Variants in ANKRD55 observed in about 807,000 individuals in gnomAD.
ANKRD55 encodes the protein ankyrin repeat domain-containing protein 55.
A neutral mutation model predicts 60.6 loss-of-function variants in ANKRD55; 41 were observed. That is an observed-to-expected ratio of 0.68 (90% CI 0.53 to 0.88). The LOEUF is 0.88. Ranked by LOEUF, ANKRD55 falls within the 40% of genes least tolerant of loss-of-function variation. The pLI is 0.00. For missense variants in ANKRD55, 732 were observed against 767.6 expected, an observed-to-expected ratio of 0.95 and a Z score of 0.55; for synonymous variants, 264 against 290.3, an observed-to-expected ratio of 0.91 and a Z score of 0.92.
chr5:56,231,686 CACACACACACAT>C (rs1350666115), intron 2 of ANKRD55, among the ~76,000 whole-genome samples: 14 of 110,888 alleles, frequency 1.3e-4, no homozygotes, highest in African/African-American at 2.5e-4. Context: ...CACACACACA[CACACACACACAT>C]ACACATACAC....
chr5:56,231,661 A>G (rs1229735671), intron 2 of ANKRD55, among the ~76,000 whole-genome samples: 85 of 9,240 alleles, frequency 9.2e-3, no homozygotes, highest in African/African-American at 0.034. Context: ...GCGCACACAC[A>G]CACACACACA....
chr5:56,172,294 G>A (rs1263356990), intron 4 of ANKRD55, among the ~76,000 whole-genome samples: 1 of 152,102 alleles, frequency 6.6e-6, no homozygotes, highest in Non-Finnish European at 1.5e-5. Context: ...TAATATCTAA[G>A]TCTTAAGTAG....
In ANKRD55 at chr5:56,143,931, T is replaced by G. The variant is rs1383647234; in HGVS notation, c.484-2A>C. The G allele has an allele frequency of 6.2e-7, 1 of 1,613,722 alleles. No individual in the cohort carries two copies. Among genetic ancestry groups the G allele is most frequent in the African/African-American group, 1.3e-5 (1 of 74,920 alleles). On this transcript the variant is annotated splice_acceptor_variant, in intron 6 of 11. Transcript: ENST00000341048. LOFTEE classifies it high-confidence loss of function. The stretch of plus-strand genomic sequence containing the variant: ...CGCCCAGTGGAGTGGTGTCATTCCC[T>G]GCAAAACAACAGTCAGAGAGGACAG...
In ANKRD55 at chr5:56,162,695, G is replaced by C. The variant is rs186552443; in HGVS notation, c.423-2802C>G. Among the ~76,000 whole-genome samples, 235 of 143,698 alleles carry C rather than the reference G, an allele frequency of 1.6e-3. 2 individuals carry two copies. The highest frequency in any genetic ancestry group is 5.8e-3 in the African/African-American group (222 of 38,412). 94.3% of individuals were successfully genotyped at this position (143,698 alleles called of 152,430 possible). ...TCAATTTTTTTTTTTTTTGAGACAA[G>C]CTCTCACTCTGTCACCCAGGCTGGA... On this transcript the variant is annotated intron_variant, in intron 5 of 11. Transcript: ENST00000341048.
intron 2 of ANKRD55, chr5:56,193,556 C>A: frequency 2.7e-6 from 1 of 376,808 alleles, no homozygotes; most frequent in Non-Finnish European, 5.0e-6. Context: ...AGATATCAAG[C>A]TACCTTACCT....
chr5:56,137,013 C>A (rs1033807850), intron 7 of ANKRD55: 5 of 704,354 alleles, frequency 7.1e-6, no homozygotes, highest in African/African-American at 1.7e-5. Flanking sequence ...GAGAGCCCCA[C>A]AAAATCATGC....
At chr5:56,165,439 T>C (rs533314064) in intron 5 of ANKRD55, among the ~76,000 whole-genome samples, 5 of 152,280 alleles carry the variant, frequency 3.3e-5, no homozygotes, top group African/African-American at 1.2e-4. Context: ...TTATAATGTT[T>C]ATGGTGTTTC....
At chr5:56,162,339 G>A (rs1233371990) in intron 5 of ANKRD55, among the ~76,000 whole-genome samples, 2 of 152,156 alleles carry the variant, frequency 1.3e-5, no homozygotes, top group African/African-American at 4.8e-5. Flanking sequence ...CCTGCTCTGA[G>A]GCTGACTTCT....
chr5:56,174,999 A>G (rs1758709287), intron 4 of ANKRD55, among the ~76,000 whole-genome samples: 1 of 152,194 alleles, frequency 6.6e-6, no homozygotes, highest in Non-Finnish European at 1.5e-5. Context: ...ATAACCCTCT[A>G]CCATCAGACC....
At chr5:56,138,113 G>A (rs1206190932) in intron 7 of ANKRD55, among the ~76,000 whole-genome samples, 2 of 149,246 alleles carry the variant, frequency 1.3e-5, no homozygotes, top group Non-Finnish European at 3.0e-5. Flanking sequence ...AAGACAGTTT[G>A]GTGGTTTCTT....
intron 3 of ANKRD55, among the ~76,000 whole-genome samples, chr5:56,176,969 A>C (rs1004446177): frequency 1.3e-5 from 2 of 152,122 alleles, no homozygotes; most frequent in African/African-American, 2.4e-5. Context: ...CCCAGTCGAG[A>C]CTTGTGTAGA....
rs534171734 is a variant in ANKRD55 at position 56,199,302 on chromosome 5, C to T, written c.59-15668G>A. On this transcript the variant is annotated intron_variant, in intron 2 of 11. Coordinates refer to ENST00000341048, the MANE Select transcript of ANKRD55 (RefSeq NM_024669.3). ...TAAATTTTAATAACTTTGCAGGGCC[C>T]GGCAAATTAATAACCTACATGAAGT... is the stretch of plus-strand genomic sequence containing the variant. Among the ~76,000 whole-genome samples the T allele has an allele frequency of 1.8e-4, 28 of 152,000 alleles. No individual in the cohort carries two copies. The East Asian group carries it at 2.1e-3, about 12-fold the overall frequency.
chr5:56,231,890 G>A (rs1001883005), intron 2 of ANKRD55, among the ~76,000 whole-genome samples: 1 of 152,054 alleles, frequency 6.6e-6, no homozygotes, highest in African/African-American at 2.4e-5. Flanking sequence ...AGCAGGAAAA[G>A]GGAAAAAAGA....
intron 2 of ANKRD55, among the ~76,000 whole-genome samples, chr5:56,203,361 T>C (rs1581019211): frequency 6.6e-6 from 1 of 152,302 alleles, no homozygotes; most frequent in East Asian, 1.9e-4. Flanking sequence ...TTTATTATTA[T>C]TATACTTTAA....
rs1042945330 is a variant in ANKRD55 at position 56,100,108 on chromosome 5, C to G, written c.*75G>C. On this transcript the variant is annotated 3_prime_UTR_variant, in exon 12 of 12. Transcript: ENST00000341048. ...CTTACTAAATTGGTCTTCGTTCTTACAAACTGGAGTAATCTTGTCCTTTGA... is the reference window on the plus strand; with the variant it reads ...CTTACTAAATTGGTCTTCGTTCTTAGAAACTGGAGTAATCTTGTCCTTTGA... 1.3e-6 allele frequency: 2 copies of G among 1,598,244 alleles called. No homozygotes were observed. The highest frequency in any genetic ancestry group is 3.4e-5 in the Admixed American group (2 of 59,698).
chr5:56,208,615 G>A (rs930366240), intron 2 of ANKRD55, among the ~76,000 whole-genome samples: 1 of 152,084 alleles, frequency 6.6e-6, no homozygotes, highest in African/African-American at 2.4e-5. Context: ...AGAAGGCATG[G>A]GTTTTGCCAT....
chr5:56,137,567 GA>G (rs70995773), intron 7 of ANKRD55: 309,673 of 583,380 alleles, frequency 0.53, 67,042 homozygotes, highest in Middle Eastern at 0.6. Context: ...AAAAGTAAAA[GA>G]AAAAAAAAAA....
intron 7 of ANKRD55, chr5:56,127,311 G>A (rs1160752895): frequency 2.0e-6 from 2 of 985,242 alleles, no homozygotes; most frequent in African/African-American, 1.7e-5. Flanking sequence ...TCAAGTCACT[G>A]CAGAGATTTT....
chr5:56,119,630 C>A (rs116369148), intron 8 of ANKRD55, among the ~76,000 whole-genome samples: 2,266 of 152,204 alleles, frequency 0.015, 26 homozygotes, highest in Non-Finnish European at 0.024. Flanking sequence ...AATAAAAAAC[C>A]ATGGCTGAGC....
Sources: gnomAD v4.1 joint callset for allele counts (sites outside exome capture counted in the v4.1 genomes callset) on GRCh38, gnomAD v4.1.1 for gene constraint, MANE v1.5 for transcripts, NCBI Gene and HGNC (gene_info 2026-07-23, HGNC 2026-07-21) for gene names.